The following ERV3-1 variants were observed in gnomAD, a reference collection of about 807,000 sequenced individuals.
The protein encoded by ERV3-1 is endogenous retrovirus group 3 member 1 Env polyprotein.
ERV3-1 carries 36 observed loss-of-function variants against 24.6 expected under a neutral mutation model. The ratio of observed to expected loss-of-function variants is 1.47; its 90% CI spans 1.12 to 1.94. ERV3-1 has a LOEUF of 1.94. ERV3-1 is among the 30% of genes most tolerant of loss of function. ERV3-1 has a pLI of 0.00. For missense variants in ERV3-1, 578 were observed against 330.9 expected (o/e 1.75, Z -5.79); for synonymous variants, 211 against 122.6 (o/e 1.72, Z -4.76).
rs777914533 is a variant in ERV3-1, at chr7:64,991,253, G to T, written c.1774C>A (p.Gln592Lys). 3 of 749,484 alleles carry T rather than the reference G, an allele frequency of 4.0e-6. No individual in the cohort carries two copies. The highest frequency in any genetic ancestry group is 4.9e-6 in the Non-Finnish European group (2 of 409,150). 46.4% of individuals were successfully genotyped at this position (749,484 alleles called of 1,614,324 possible). Residue 592 changes from glutamine (Q) to lysine (K), a missense_variant, in exon 2 of 2, where the codon CAA (glutamine) becomes AAA (lysine). Transcript: ENST00000394323. ...KVIKEITAKI[Q>K]KLAHIPVQTW... ...TGAACTGGGATGTGAGCTAACTTTTGGATTTTAGCAGTTATTTCTTTGATG... is the reference window on the plus strand; with the variant it reads ...TGAACTGGGATGTGAGCTAACTTTTTGATTTTAGCAGTTATTTCTTTGATG...
At chr7:64,998,869 G>A (rs886163405) in intron 1 of ERV3-1, among the ~76,000 whole-genome samples, 5 of 152,206 alleles carry the variant, frequency 3.3e-5, no homozygotes, top group East Asian at 1.9e-4. Flanking sequence ...CTCCACACAC[G>A]TCACTCAGCA....
At chr7:64,998,374 T>C (rs1786450021) in intron 1 of ERV3-1, among the ~76,000 whole-genome samples, 2 of 152,180 alleles carry the variant, frequency 1.3e-5, no homozygotes, top group Non-Finnish European at 2.9e-5. Context: ...CTGGATGCCC[T>C]GGCTGTCCTC....
intron 1 of ERV3-1, among the ~76,000 whole-genome samples, chr7:64,997,044 C>T (rs1169492044): frequency 1.3e-5 from 2 of 152,220 alleles, no homozygotes; most frequent in Non-Finnish European, 2.9e-5. Context: ...GGACATTCAC[C>T]TTTCCAGTGT....
chr7:65,000,783 T>A (rs1391944044), intron 1 of ERV3-1, among the ~76,000 whole-genome samples: 5 of 151,982 alleles, frequency 3.3e-5, no homozygotes, highest in African/African-American at 1.2e-4. Flanking sequence ...AGACCCTGTC[T>A]CCAAAACTGA....
chr7:64,999,323 C>T (rs1786471606), intron 1 of ERV3-1, among the ~76,000 whole-genome samples: 1 of 152,232 alleles, frequency 6.6e-6, no homozygotes, highest in Non-Finnish European at 1.5e-5. Context: ...GTAGTCTCCC[C>T]TCCTGGCTGG....
chr7:64,998,698 A>T (rs1475233662), intron 1 of ERV3-1, among the ~76,000 whole-genome samples: 1 of 152,078 alleles, frequency 6.6e-6, no homozygotes, highest in African/African-American at 2.4e-5. Flanking sequence ...CTTAGATTTA[A>T]TGGAGGGTTC....
rs189085495 is a variant in ERV3-1, at chr7:64,995,611, G to A, written c.-388-2197C>T. ...GCCCCTAAGAATTCCCCTATTTGGC[G>A]CCAGGTGGTTGGAGTTGGAAGTGCA... is the stretch of plus-strand genomic sequence containing the variant. On this transcript the variant is annotated intron_variant, in intron 1 of 1. Coordinates refer to ENST00000394323, the MANE Select transcript of ERV3-1 (RefSeq NM_001007253.4). 2.9e-3 allele frequency among the ~76,000 whole-genome samples: 438 copies of A among 152,286 alleles called. 1 individual carries two copies. Among genetic ancestry groups the A allele is most frequent in the Admixed American group, 7.5e-3 (115 of 15,296 alleles).
Position 64,991,985 on chromosome 7 carries a change from G to A in ERV3-1, c.1042C>T (p.Arg348Cys), listed in dbSNP as rs375141300. 5.4e-5 allele frequency: 41 copies of A among 766,234 alleles called. No homozygotes were observed. The highest frequency in any genetic ancestry group is 2.2e-4 in the Middle Eastern group (1 of 4,462). 47.5% of individuals were successfully genotyped at this position (766,234 alleles called of 1,614,324 possible). A position where few individuals can be genotyped will look rare whatever the true frequency, so the allele number is the denominator to read the frequency against. The stretch of plus-strand genomic sequence containing the variant: ...GGGTCTGTAAAGGCCTTTCCCCAGC[G>A]AGCAATACAGAATTTTCCAATAATG... The part of the protein sequence containing the change: ...TSIIGKFCIA[R>C]WGKAFTDPVG... The change falls in exon 2 of 2, where the codon CGC becomes TGC. Residue 348 changes from arginine to cysteine, a missense_variant. By Grantham distance (180) the Arg-to-Cys change is radical. Coordinates refer to ENST00000394323, the MANE Select transcript of ERV3-1 (RefSeq NM_001007253.4).
chr7:64,998,657 C>T (rs547031905), intron 1 of ERV3-1, among the ~76,000 whole-genome samples: 2 of 152,092 alleles, frequency 1.3e-5, no homozygotes, highest in Non-Finnish European at 2.9e-5. Context: ...CTGATTAGAC[C>T]GTGTCCCTTG....
Position 64,991,115 on chromosome 7 carries a change from G to C in ERV3-1, c.*97C>G. On this transcript the variant is annotated 3_prime_UTR_variant, in exon 2 of 2. Transcript: ENST00000394323. ...ACAATGAGGGGTAAGAGACAAGGGA[G>C]TATAAGGCAAACTCCCAATATGGCT... The C allele has an allele frequency of 1.6e-6, 1 of 606,664 alleles. No homozygotes were observed. The highest frequency in any genetic ancestry group is 2.9e-6 in the Non-Finnish European group (1 of 340,128). The allele number at this position is 606,664 out of a possible 1,614,324, so 37.6% of individuals were successfully genotyped here.
rs985387982 is a variant in ERV3-1 at position 65,006,364 on chromosome 7, A to C, written c.-389+177T>G. 8 of 1,079,382 alleles carry C rather than the reference A, an allele frequency of 7.4e-6. No individual in the cohort carries two copies. The African/African-American group carries it at 9.4e-5, about 13-fold the overall frequency. 66.9% of individuals were successfully genotyped at this position (1,079,382 alleles called of 1,614,324 possible). A position where few individuals can be genotyped will look rare whatever the true frequency, so the allele number is the denominator to read the frequency against. ...CAGGATGCCCGGGGTCCGAGCTGTC[A>C]GCCCGGCCGCCATCCTATGGCTGAA... On this transcript the variant is annotated intron_variant, in intron 1 of 1. Coordinates refer to ENST00000394323, the MANE Select transcript of ERV3-1 (RefSeq NM_001007253.4).
At chr7:65,002,106 A>G (rs1426507942) in intron 1 of ERV3-1, among the ~76,000 whole-genome samples, 1 of 152,198 alleles carries the variant, frequency 6.6e-6, no homozygotes, top group East Asian at 1.9e-4. Flanking sequence ...GTGGGGAAAG[A>G]TGAAGCACAT....
intron 1 of ERV3-1, among the ~76,000 whole-genome samples, chr7:64,998,569 T>C (rs572403467): frequency 5.9e-5 from 9 of 152,322 alleles, no homozygotes; most frequent in African/African-American, 2.2e-4. Flanking sequence ...TACATTCTAA[T>C]GGGATGGGTT....
intron 1 of ERV3-1, among the ~76,000 whole-genome samples, chr7:64,998,502 G>C (rs1786452503): frequency 6.6e-6 from 1 of 152,070 alleles, no homozygotes; most frequent in African/African-American, 2.4e-5. Flanking sequence ...CTCAACCTCT[G>C]GGGGGTCAAC....
intron 1 of ERV3-1, among the ~76,000 whole-genome samples, chr7:65,001,831 T>TA (rs1786530388): frequency 1.3e-5 from 2 of 152,220 alleles, no homozygotes; most frequent in South Asian, 4.1e-4. Flanking sequence ...TGACCCCACT[T>TA]AAGAGTCAGC....
chr7:65,000,233 T>A (rs571347279), intron 1 of ERV3-1, among the ~76,000 whole-genome samples: 1 of 152,072 alleles, frequency 6.6e-6, no homozygotes, highest in East Asian at 1.9e-4. Flanking sequence ...TCTTTTTTGT[T>A]TTTTTTTGAG....
chr7:64,994,815 T>TCTGC (rs1786369655), intron 1 of ERV3-1, among the ~76,000 whole-genome samples: 1 of 152,268 alleles, frequency 6.6e-6, no homozygotes, highest in African/African-American at 2.4e-5. Context: ...GGCTGCTAGC[T>TCTGC]CTGCCTTCTG....
In ERV3-1 at chr7:64,992,182, T is replaced by C. The variant is rs771304113; in HGVS notation, c.845A>G (p.Asn282Ser). ...ASNLFAQLAE[N>S]IASSLHVASC... ...AGCAACGTGCAGGCTGCTGGCTATG[T>C]TTTCAGCCAGTTGGGCGAATAAATT... Residue 282 changes from asparagine (N) to serine (S), a missense_variant, in exon 2 of 2, where the codon AAC (asparagine) becomes AGC (serine). Transcript: ENST00000394323. The C allele has an allele frequency of 2.6e-6, 2 of 766,268 alleles. No homozygotes were observed. Among genetic ancestry groups the C allele is most frequent in the Non-Finnish European group, 4.8e-6 (2 of 417,904 alleles). The allele number at this position is 766,268 out of a possible 1,614,324, so 47.5% of individuals were successfully genotyped here. A position where few individuals can be genotyped will look rare whatever the true frequency, so the allele number is the denominator to read the frequency against.
chr7:65,005,241 T>C (rs1316870149), intron 1 of ERV3-1: 1 of 152,496 alleles, frequency 6.6e-6, no homozygotes, highest in East Asian at 1.9e-4. Context: ...AGTGGATATC[T>C]TGATTTATCC....
Sources: gnomAD v4.1 joint callset for allele counts (sites outside exome capture counted in the v4.1 genomes callset) on GRCh38, gnomAD v4.1.1 for gene constraint, MANE v1.5 for transcripts, NCBI Gene and HGNC (gene_info 2026-07-23, HGNC 2026-07-21) for gene names.